The following FARS2 variants were observed in gnomAD, a reference collection of about 807,000 sequenced individuals.
FARS2 encodes the protein phenylalanine--tRNA ligase, mitochondrial.
Under a neutral mutation model 46.4 loss-of-function variants are expected in FARS2, and 40 were observed. That is an observed-to-expected ratio of 0.86 (90% CI 0.67 to 1.12). FARS2 has a LOEUF of 1.12. FARS2 is among the 50% of genes most tolerant of loss of function. FARS2 has a pLI of 0.00. For synonymous variants in FARS2, 234 were observed against 214.9 expected, an observed-to-expected ratio of 1.09 and a Z score of -0.78; for missense variants, 513 against 567.9, an observed-to-expected ratio of 0.90 and a Z score of 0.98.
At chr6:5,754,652 T>A (rs1258686817) in intron 6 of FARS2, among the ~76,000 whole-genome samples, 1 of 152,236 alleles carries the variant, frequency 6.6e-6, no homozygotes, top group Non-Finnish European at 1.5e-5. Context: ...TTTGAAAATG[T>A]TTTTATTTTG....
At chr6:5,654,340 C>T (rs969888948) in intron 6 of FARS2, among the ~76,000 whole-genome samples, 5 of 152,188 alleles carry the variant, frequency 3.3e-5, no homozygotes, top group African/African-American at 1.2e-4. Flanking sequence ...TTACAGTATT[C>T]ACTGATAACC....
chr6:5,265,876 C>T (rs2127808390), intron 1 of FARS2, among the ~76,000 whole-genome samples: 1 of 152,268 alleles, frequency 6.6e-6, no homozygotes, highest in African/African-American at 2.4e-5. Flanking sequence ...ATGCTTGGGC[C>T]ACACCTCAGA....
At chr6:5,723,306 C>T (rs981126251) in intron 6 of FARS2, among the ~76,000 whole-genome samples, 1 of 152,132 alleles carries the variant, frequency 6.6e-6, no homozygotes, top group Non-Finnish European at 1.5e-5. Flanking sequence ...ATTTACATGC[C>T]GTTTGATTTC....
chr6:5,321,718 A>T (rs1433693381), intron 1 of FARS2, among the ~76,000 whole-genome samples: 1 of 152,200 alleles, frequency 6.6e-6, no homozygotes, highest in Admixed American at 6.5e-5. Context: ...TTGTCTCTAC[A>T]ATCAAATCTG....
chr6:5,296,483 A>T (rs1767901125), intron 1 of FARS2, among the ~76,000 whole-genome samples: 1 of 152,116 alleles, frequency 6.6e-6, no homozygotes, highest in Admixed American at 6.5e-5. Flanking sequence ...AGCATTAAGT[A>T]CATTTATGGT....
At chr6:5,282,454 ACGAG>A (rs2127861481) in intron 1 of FARS2, among the ~76,000 whole-genome samples, 1 of 152,314 alleles carries the variant, frequency 6.6e-6, no homozygotes, top group East Asian at 1.9e-4. Flanking sequence ...GCTGAAGGCC[ACGAG>A]CCATTTTAGC....
At chr6:5,430,906 G>A in intron 3 of FARS2, 135 bp from the exon 4 acceptor site, 1 of 837,592 alleles carries the variant, frequency 1.2e-6, no homozygotes, top group East Asian at 2.6e-5. Context: ...CTAACATGTT[G>A]CAAATTAGTT....
chr6:5,419,475 CTTTACCGTTT>C (rs5873980), intron 3 of FARS2, among the ~76,000 whole-genome samples: 30,733 of 151,798 alleles, frequency 0.2, 3,379 homozygotes, highest in East Asian at 0.48. Context: ...TTTTTTTGTT[CTTTACCGTTT>C]CTCTGTTTTC....
At chr6:5,427,804 G>A (rs934978289) in intron 3 of FARS2, among the ~76,000 whole-genome samples, 2 of 152,196 alleles carry the variant, frequency 1.3e-5, no homozygotes, top group African/African-American at 2.4e-5. Context: ...CTGAGGGCTT[G>A]TGGTGGCTGA....
chr6:5,732,759 G>A (rs1173031001), intron 6 of FARS2, among the ~76,000 whole-genome samples: 6 of 151,202 alleles, frequency 4.0e-5, no homozygotes, highest in Admixed American at 2.0e-4. Flanking sequence ...TCTCCTCTTC[G>A]CTTCCCTCTT....
In FARS2 at chr6:5,533,890, C is replaced by A. The variant is rs1344852205; in HGVS notation, c.905-11290C>A. 2.6e-5 allele frequency among the ~76,000 whole-genome samples: 4 copies of A among 152,146 alleles called. No individual in the cohort carries two copies. The East Asian group carries it at 7.7e-4, about 29-fold the overall frequency. On this transcript the variant is annotated intron_variant, in intron 4 of 6. Transcript: ENST00000274680. ...GACCCGGTGGCAAGAGGAGAGAGAG[C>A]AGTTGGCAGATACCTTTTGTTACGC...
chr6:5,295,902 T>C (rs1325390858), intron 1 of FARS2, among the ~76,000 whole-genome samples: 1 of 152,024 alleles, frequency 6.6e-6, no homozygotes, highest in Admixed American at 6.6e-5. Context: ...AGTGAGCATC[T>C]TTTCACGTAA....
upstream of FARS2, among the ~76,000 whole-genome samples, chr6:5,256,098 A>G (rs1764651559): frequency 6.6e-6 from 1 of 152,020 alleles, no homozygotes. Flanking sequence ...GAGAAATCCT[A>G]GTTTAAGGTG....
chr6:5,487,043 G>A (rs754331840), intron 4 of FARS2, among the ~76,000 whole-genome samples: 2 of 152,014 alleles, frequency 1.3e-5, no homozygotes, highest in African/African-American at 4.8e-5. Context: ...GGCTGCTCAT[G>A]TCCAGGGGTA....
At chr6:5,704,668 A>C (rs1187665528) in intron 6 of FARS2, among the ~76,000 whole-genome samples, 5 of 152,242 alleles carry the variant, frequency 3.3e-5, no homozygotes, top group Non-Finnish European at 2.9e-5. Context: ...CTAGAACTCA[A>C]GACATACGCA....
At chr6:5,326,380 C>T (rs1314284782) in intron 1 of FARS2, among the ~76,000 whole-genome samples, 1 of 152,182 alleles carries the variant, frequency 6.6e-6, no homozygotes, top group East Asian at 1.9e-4. Flanking sequence ...GAGGAACATC[C>T]ACTTTGTCTT....
At chr6:5,761,703 C>T (rs1055255454) in intron 6 of FARS2, among the ~76,000 whole-genome samples, 2 of 150,788 alleles carry the variant, frequency 1.3e-5, no homozygotes, top group African/African-American at 4.9e-5. Flanking sequence ...TGAGACATTA[C>T]TTCTTGTTAG....
intron 2 of FARS2, among the ~76,000 whole-genome samples, chr6:5,394,655 TG>T (rs1300911199): frequency 1.3e-5 from 2 of 152,164 alleles, no homozygotes; most frequent in African/African-American, 4.8e-5. Flanking sequence ...TGATATCTTA[TG>T]GAAACTCTGC....
At chr6:5,566,317 G>A (rs922338617) in intron 5 of FARS2, among the ~76,000 whole-genome samples, 3 of 150,512 alleles carry the variant, frequency 2.0e-5, no homozygotes, top group East Asian at 2.0e-4. Flanking sequence ...CCCTTACAGT[G>A]TATTTTCTAC....
Sources: gnomAD v4.1 joint callset for allele counts (sites outside exome capture counted in the v4.1 genomes callset) on GRCh38, gnomAD v4.1.1 for gene constraint, MANE v1.5 for transcripts, NCBI Gene and HGNC (gene_info 2026-07-23, HGNC 2026-07-21) for gene names.